CCNY: variants seen among roughly 807,000 people sequenced by gnomAD.
The protein encoded by CCNY is cyclin Y.
In CCNY, 19 loss-of-function variants were observed where a neutral mutation model predicts 42.8. The ratio of observed to expected loss-of-function variants is 0.44; its 90% CI spans 0.31 to 0.65. The LOEUF is 0.65. Ranked by LOEUF, CCNY falls within the 30% of genes least tolerant of loss-of-function variation. CCNY has a pLI of 0.07. For synonymous variants in CCNY, 165 were observed against 162.7 expected (o/e 1.01, Z -0.11); for missense variants, 370 against 437.3 (o/e 0.85, Z 1.37).
chr10:35,262,479 C>T (rs2095720738), intron 3 of CCNY, among the ~76,000 whole-genome samples: 2 of 151,770 alleles, frequency 1.3e-5, no homozygotes, highest in South Asian at 4.1e-4. Context: ...TTGTCTCTGC[C>T]TCCCGAGTAG....
chr10:35,419,928 T>A (rs1358077909), intron 1 of CCNY, among the ~76,000 whole-genome samples: 1 of 151,458 alleles, frequency 6.6e-6, no homozygotes, highest in Non-Finnish European at 1.5e-5. Context: ...CTGTAATTTT[T>A]TTTTTTTTTT....
intron 3 of CCNY, among the ~76,000 whole-genome samples, chr10:35,253,268 G>A (rs1009852992): frequency 6.6e-6 from 1 of 151,654 alleles, no homozygotes; most frequent in Non-Finnish European, 1.5e-5. Flanking sequence ...AATTTTTTTT[G>A]GGATAGGATC....
At chr10:35,483,566 A>G in intron 2 of CCNY, 88 bp downstream of exon 2, 1 of 821,764 alleles carries the variant, frequency 1.2e-6, no homozygotes, top group Non-Finnish European at 2.0e-6. Flanking sequence ...TTTAATTTTC[A>G]ATATGAAATA....
intron 2 of CCNY, among the ~76,000 whole-genome samples, chr10:35,501,071 T>C (rs1840101463): frequency 6.6e-6 from 1 of 152,224 alleles, no homozygotes; most frequent in African/African-American, 2.4e-5. Flanking sequence ...ATCTCAATGC[T>C]TTCTAGATAT....
intron 7 of CCNY, among the ~76,000 whole-genome samples, chr10:35,543,793 G>T (rs184305949): frequency 6.6e-6 from 1 of 152,168 alleles, no homozygotes; most frequent in South Asian, 2.1e-4. Context: ...TGCTTTGTGT[G>T]TATTATTGCC....
chr10:35,482,842 ATGTTT>A (rs1478528885), intron 1 of CCNY, among the ~76,000 whole-genome samples: 1 of 150,628 alleles, frequency 6.6e-6, no homozygotes, highest in Non-Finnish European at 1.5e-5. Context: ...GTTGTCTTAA[ATGTTT>A]TTTAAAAAGT....
chr10:35,568,811 C>G (rs1841624625), intron 9 of CCNY, among the ~76,000 whole-genome samples: 1 of 152,254 alleles, frequency 6.6e-6, no homozygotes. Flanking sequence ...TGAGGTGACA[C>G]TGTACTGTTA....
intron 3 of CCNY, among the ~76,000 whole-genome samples, chr10:35,310,539 C>G (rs1311078991): frequency 1.3e-5 from 2 of 152,196 alleles, no homozygotes; most frequent in Non-Finnish European, 2.9e-5. Flanking sequence ...TGTATATCCC[C>G]TTTCCCTGTA....
At chr10:35,337,715 C>T (rs1589043147) in intron 1 of CCNY, among the ~76,000 whole-genome samples, 1 of 150,458 alleles carries the variant, frequency 6.6e-6, no homozygotes, top group East Asian at 2.0e-4. Flanking sequence ...CTCCACTTCC[C>T]CCGTTCCCAT....
At position 35,456,401 on chromosome 10, in the gene CCNY, T is replaced by C. The variant is rs546670746; in HGVS notation, c.155-27003T>C. On this transcript the variant is annotated intron_variant, in intron 1 of 9. Coordinates refer to ENST00000374704, the MANE Select transcript of CCNY (RefSeq NM_145012.6). ...AGCTGTATAAGTGAAATGGATTGTT[T>C]AAACATTTTTGGTTTTGTGATTGTT... Among the ~76,000 whole-genome samples the C allele has an allele frequency of 2.6e-5, 4 of 152,376 alleles. 1 individual carries two copies. The South Asian group carries it at 6.2e-4, about 24-fold the overall frequency.
At chr10:35,314,605 T>G (rs1350568422) in intron 3 of CCNY, 1 of 152,138 alleles carries the variant, frequency 6.6e-6, no homozygotes, top group African/African-American at 2.4e-5. Flanking sequence ...TATCATAACC[T>G]TTTCTTGTAT....
At chr10:35,494,640 AT>A (rs1371210694) in intron 2 of CCNY, among the ~76,000 whole-genome samples, 1 of 152,236 alleles carries the variant, frequency 6.6e-6, no homozygotes, top group Non-Finnish European at 1.5e-5. Context: ...AGTGATGGAA[AT>A]ATCACAATCT....
chr10:35,471,254 G>A (rs904333568), intron 1 of CCNY, among the ~76,000 whole-genome samples: 1 of 152,136 alleles, frequency 6.6e-6, no homozygotes. Flanking sequence ...AGGGGGATGC[G>A]AGGGGCTTGC....
upstream of CCNY, among the ~76,000 whole-genome samples, chr10:35,333,191 C>T (rs1835966145): frequency 6.6e-6 from 1 of 152,148 alleles, no homozygotes; most frequent in Non-Finnish European, 1.5e-5. Context: ...TTACAATGCT[C>T]AGTGTGTACC....
chr10:35,566,277 C>T, intron 9 of CCNY, 92 bp downstream of exon 9: 2 of 1,259,236 alleles, frequency 1.6e-6, no homozygotes, highest in African/African-American at 1.5e-5. Flanking sequence ...GATCATTTCC[C>T]CCACTACATG....
At chr10:35,257,358 G>C (rs1404528292) in intron 3 of CCNY, among the ~76,000 whole-genome samples, 1 of 147,922 alleles carries the variant, frequency 6.8e-6, no homozygotes, top group Admixed American at 6.9e-5. Flanking sequence ...ACTCAGGCTG[G>C]TCTCAGACTC....
chr10:35,417,291 A>G (rs935391958), intron 1 of CCNY, among the ~76,000 whole-genome samples: 34 of 152,192 alleles, frequency 2.2e-4, no homozygotes, highest in African/African-American at 4.8e-4. Context: ...TCAGGGAGTA[A>G]GAGGACAAGC....
chr10:35,262,373 A>G (rs1209941669), intron 3 of CCNY, among the ~76,000 whole-genome samples: 1 of 136,998 alleles, frequency 7.3e-6, no homozygotes, highest in African/African-American at 2.8e-5. Context: ...ATTTTATTTT[A>G]TTTGAGATAC....
chr10:35,363,041 G>T (rs1836726308), intron 1 of CCNY, among the ~76,000 whole-genome samples: 1 of 144,102 alleles, frequency 6.9e-6, no homozygotes, highest in Non-Finnish European at 1.5e-5. Flanking sequence ...CGGCGGCCGG[G>T]CGGAGACGCT....
Sources: allele counts gnomAD v4.1 joint callset (sites outside exome capture counted in the v4.1 genomes callset), GRCh38; gene constraint gnomAD v4.1.1; transcripts MANE v1.5; gene names NCBI Gene and HGNC (gene_info 2026-07-23, HGNC 2026-07-21).